CNTRL: variants seen among roughly 807,000 people sequenced by gnomAD.
The protein encoded by CNTRL is 110 kDa centrosomal protein.
Under a neutral mutation model 303.7 loss-of-function variants are expected in CNTRL, and 233 were observed. The observed-to-expected ratio is 0.77, with a 90% CI of 0.69 to 0.86. CNTRL has a LOEUF of 0.86. CNTRL is among the 40% of genes least tolerant of loss of function. The pLI is 0.00. For missense variants in CNTRL, 2,524 were observed against 2,650.6 expected, an observed-to-expected ratio of 0.95 and a Z score of 1.05; for synonymous variants, 900 against 922.2, an observed-to-expected ratio of 0.98 and a Z score of 0.44.
intron 14 of CNTRL, among the ~76,000 whole-genome samples, chr9:121,131,731 T>C (rs1304462975): frequency 6.6e-6 from 1 of 152,238 alleles, no homozygotes; most frequent in Non-Finnish European, 1.5e-5. Flanking sequence ...CTGGCATTGA[T>C]GGTCTTTACA....
intron 14 of CNTRL, among the ~76,000 whole-genome samples, chr9:121,126,629 T>A (rs1018357346): frequency 1.3e-5 from 2 of 152,212 alleles, no homozygotes; most frequent in Non-Finnish European, 1.5e-5. Context: ...ATCCTCTGTC[T>A]ACTCCTTTCC....
At chr9:121,112,021 T>C (rs2049769865) in intron 8 of CNTRL, among the ~76,000 whole-genome samples, 1 of 152,146 alleles carries the variant, frequency 6.6e-6, no homozygotes. Context: ...TTTATTTCTC[T>C]GCAGTTAATG....
At chr9:121,152,793 G>T in intron 26 of CNTRL, 100 bp downstream of exon 26, 1 of 916,526 alleles carries the variant, frequency 1.1e-6, no homozygotes, top group South Asian at 1.8e-5. Context: ...TTGATCTTCT[G>T]TCCAAAACAG....
chr9:121,152,245 C>T (rs562479603), intron 25 of CNTRL: 2 of 452,536 alleles, frequency 4.4e-6, no homozygotes, highest in African/African-American at 3.9e-5. Context: ...AGAGGTTATC[C>T]ACAAGAGGCT....
Position 121,092,728 on chromosome 9 carries a change from T to G in CNTRL, c.349-2160T>G, listed in dbSNP as rs1472333218. 1.4e-4 allele frequency among the ~76,000 whole-genome samples: 6 copies of G among 43,106 alleles called. 2 individuals are homozygous for G. The allele number at this position is 43,106 out of a possible 152,430, so 28.3% of individuals were successfully genotyped here. On this transcript the variant is annotated intron_variant, in intron 4 of 43. Coordinates refer to ENST00000373855, the MANE Select transcript of CNTRL (RefSeq NM_007018.6). ...TATATATATAATATATATCTATATATATATAATATATATCTATATATAATA... is the reference window on the plus strand; with the variant it reads ...TATATATATAATATATATCTATATAGATATAATATATATCTATATATAATA...
At chr9:121,146,029 C>T in intron 22 of CNTRL, 79 bp from the exon 23 acceptor site, 1 of 1,298,192 alleles carries the variant, frequency 7.7e-7, no homozygotes, top group Non-Finnish European at 1.0e-6. Context: ...TTAATTGGCT[C>T]TCTTAGAATC....
chr9:121,126,330 A>T (rs542419086), intron 14 of CNTRL, among the ~76,000 whole-genome samples: 2 of 152,202 alleles, frequency 1.3e-5, no homozygotes, highest in Non-Finnish European at 2.9e-5. Context: ...ATTATTTTAT[A>T]GCTAACAAAA....
intron 22 of CNTRL, among the ~76,000 whole-genome samples, chr9:121,145,873 G>T (rs2051820235): frequency 6.6e-6 from 1 of 152,222 alleles, no homozygotes; most frequent in Admixed American, 6.5e-5. Context: ...CTCCAGACTG[G>T]ATGACGGAGT....
In CNTRL at chr9:121,095,000, TATC is replaced by T. The variant is rs770079807; in HGVS notation, c.464_466del (p.Ser155del). ...CTGTTAAAATTACGTGAACTCAACT[TATC>T]ATATAACAAAATCAGGTGAGTTATA... is the stretch of plus-strand genomic sequence containing the variant. On this transcript the variant is annotated inframe_deletion, in exon 5 of 44. Transcript: ENST00000373855. The T allele has an allele frequency of 6.2e-6, 10 of 1,604,638 alleles. No individual in the cohort carries two copies. In the South Asian group the frequency reaches 7.8e-5, roughly 13 times the overall value.
In CNTRL at chr9:121,160,167, C is replaced by T; in HGVS notation, c.4954C>T (p.Leu1652=). 6.6e-7 allele frequency: 1 copy of T among 1,504,068 alleles called. No individual in the cohort carries two copies. Among genetic ancestry groups the T allele is most frequent in the Non-Finnish European group, 8.8e-7 (1 of 1,131,924 alleles). 93.2% of individuals were successfully genotyped at this position (1,504,068 alleles called of 1,614,324 possible). Residue 1652 remains leucine, a synonymous_variant, in exon 32 of 44, where the codon CTG becomes TTG. Transcript: ENST00000373855. The part of the protein sequence containing the change: ...IREVKSLLEE[L]SFQKGELNVQ... ...GGAAGTAAAATCTCTTCTGGAAGAACTGAGTTTTCAGAAAGGAGAACTAAA... is the reference window on the plus strand; with the variant it reads ...GGAAGTAAAATCTCTTCTGGAAGAATTGAGTTTTCAGAAAGGAGAACTAAA...
chr9:121,098,278 C>A, intron 6 of CNTRL, 108 bp from the exon 7 acceptor site: 1 of 823,060 alleles, frequency 1.2e-6, no homozygotes, highest in Non-Finnish European at 1.9e-6. Flanking sequence ...TAATTGGCTT[C>A]ATGAATAGAT....
At chr9:121,121,863 T>A (rs2050247741) in intron 12 of CNTRL, 4 of 985,266 alleles carry the variant, frequency 4.1e-6, no homozygotes, top group South Asian at 4.7e-5. Context: ...GAAGTGCACA[T>A]GAATTTGAAG....
chr9:121,130,228 T>G (rs897247701), intron 14 of CNTRL, among the ~76,000 whole-genome samples: 3 of 152,226 alleles, frequency 2.0e-5, no homozygotes, highest in Non-Finnish European at 2.9e-5. Flanking sequence ...TTTGTACCTC[T>G]GGTAGAATTC....
At chr9:121,134,399 C>T (rs2051062596) in intron 14 of CNTRL, among the ~76,000 whole-genome samples, 1 of 151,804 alleles carries the variant, frequency 6.6e-6, no homozygotes, top group East Asian at 1.9e-4. Flanking sequence ...CAAGTGATTC[C>T]GCTGCCTCAG....
At chr9:121,139,986 T>G (rs1428661345) in intron 16 of CNTRL, among the ~76,000 whole-genome samples, 1 of 152,186 alleles carries the variant, frequency 6.6e-6, no homozygotes, top group Non-Finnish European at 1.5e-5. Context: ...CCAACTAACC[T>G]CCTGAGTACA....
chr9:121,092,066 T>A (rs1260277852), intron 4 of CNTRL, among the ~76,000 whole-genome samples: 2 of 145,946 alleles, frequency 1.4e-5, no homozygotes, highest in Non-Finnish European at 3.0e-5. Flanking sequence ...ACGGGCAAAA[T>A]ATATATATTT....
Position 121,132,038 on chromosome 9 carries a change from G to A in CNTRL, c.2026-3768G>A, listed in dbSNP as rs189037520. On this transcript the variant is annotated intron_variant, in intron 14 of 43. Coordinates refer to ENST00000373855, the MANE Select transcript of CNTRL (RefSeq NM_007018.6). ...TGGGCTTCCCTTTGTGGGTAACCCA[G>A]CCTTTCTCTCTGGCTGCCCTTACAT... Among the ~76,000 whole-genome samples the A allele has an allele frequency of 1.3e-3, 203 of 152,278 alleles. 2 individuals are homozygous for A. The highest frequency in any genetic ancestry group is 4.5e-3 in the African/African-American group (185 of 41,554).
chr9:121,118,870 C>T (rs1336796416), intron 12 of CNTRL, among the ~76,000 whole-genome samples: 1 of 151,938 alleles, frequency 6.6e-6, no homozygotes, highest in Non-Finnish European at 1.5e-5. Context: ...TATAAGTAAT[C>T]TAGAGATGAT....
chr9:121,143,810 C>A, intron 19 of CNTRL, 93 bp from the exon 20 acceptor site: 1 of 873,862 alleles, frequency 1.1e-6, no homozygotes, highest in Non-Finnish European at 1.8e-6. Context: ...TTCTAGGCAG[C>A]AGTGAACAGA....
Sources: allele counts gnomAD v4.1 joint callset (sites outside exome capture counted in the v4.1 genomes callset), GRCh38; gene constraint gnomAD v4.1.1; transcripts MANE v1.5; gene names NCBI Gene and HGNC (gene_info 2026-07-23, HGNC 2026-07-21).